The following CNTN1 variants were observed in gnomAD, a reference collection of about 807,000 sequenced individuals.
CNTN1 encodes the protein contactin-1.
In CNTN1, 38 loss-of-function variants were observed where a neutral mutation model predicts 126.4. That is an observed-to-expected ratio of 0.30 (90% CI 0.23 to 0.39). The LOEUF (loss-of-function observed/expected upper bound fraction) is 0.39. Ranked by LOEUF, CNTN1 falls within the 10% of genes least tolerant of loss-of-function variation. The probability of loss-of-function intolerance (pLI) is 1.00; values close to 1 mark genes in which losing one functional copy is unlikely to be tolerated. For missense variants in CNTN1, 1,009 were observed against 1,248.4 expected (o/e 0.81, Z 2.89); for synonymous variants, 413 against 422.6 (o/e 0.98, Z 0.28).
At chr12:41,067,359 G>A (rs972599332) in intron 23 of CNTN1, among the ~76,000 whole-genome samples, 1 of 152,086 alleles carries the variant, frequency 6.6e-6, no homozygotes, top group Non-Finnish European at 1.5e-5. Context: ...AGCAGCCACA[G>A]TTTGTACTTT....
In CNTN1 at chr12:40,924,757, T is replaced by C. The variant is rs1022713854; in HGVS notation, c.496+105T>C. The C allele has an allele frequency of 8.4e-5, 59 of 705,300 alleles. No individual in the cohort carries two copies. In the Middle Eastern group the frequency reaches 1.2e-3, roughly 15 times the overall value. 43.7% of individuals were successfully genotyped at this position (705,300 alleles called of 1,614,324 possible). On this transcript the variant is annotated intron_variant, in intron 6 of 23. Coordinates refer to ENST00000551295, the MANE Select transcript of CNTN1 (RefSeq NM_001843.4). ...ATTATTAATAATCATGGCTTATTAT[T>C]AATTAAATGAGACTGAATATTTGCA...
chr12:40,902,918 G>C (rs1944660065), intron 1 of CNTN1, among the ~76,000 whole-genome samples: 1 of 152,158 alleles, frequency 6.6e-6, no homozygotes, highest in Admixed American at 6.5e-5. Context: ...CCCTAGTGTT[G>C]TCTAAAGGAA....
intron 1 of CNTN1, among the ~76,000 whole-genome samples, chr12:40,819,320 AC>A (rs1941365747): frequency 2.0e-5 from 3 of 152,042 alleles, no homozygotes; most frequent in African/African-American, 7.2e-5. Context: ...GACTGCGGCC[AC>A]CCCTCTCACT....
intron 1 of CNTN1, among the ~76,000 whole-genome samples, chr12:40,793,490 A>G (rs1223692992): frequency 1.3e-5 from 2 of 151,564 alleles, no homozygotes; most frequent in African/African-American, 4.8e-5. Context: ...ATCAGGTTGT[A>G]TATGTAATGT....
At chr12:41,054,875 TG>T (rs1468883508) in intron 23 of CNTN1, among the ~76,000 whole-genome samples, 2 of 152,276 alleles carry the variant, frequency 1.3e-5, no homozygotes, top group East Asian at 3.8e-4. Flanking sequence ...TACACAGCTC[TG>T]CTGCATGGTC....
intron 1 of CNTN1, among the ~76,000 whole-genome samples, chr12:40,695,554 T>C (rs1335023552): frequency 6.6e-6 from 1 of 152,216 alleles, no homozygotes; most frequent in Admixed American, 6.5e-5. Flanking sequence ...AATTTCCATC[T>C]ATTTCTACAT....
chr12:40,721,949 C>G (rs1942228593), intron 1 of CNTN1, among the ~76,000 whole-genome samples: 2 of 150,764 alleles, frequency 1.3e-5, no homozygotes, highest in South Asian at 2.1e-4. Flanking sequence ...TCCAGTCTAT[C>G]ATTGTTGGAC....
chr12:40,878,245 C>A (rs1433317922), intron 1 of CNTN1, among the ~76,000 whole-genome samples: 1 of 151,560 alleles, frequency 6.6e-6, no homozygotes, highest in African/African-American at 2.4e-5. Context: ...GATCGCCGGC[C>A]TCAGCCTCCC....
At chr12:40,955,336 GA>G (rs1176369439) in intron 14 of CNTN1, among the ~76,000 whole-genome samples, 1 of 152,032 alleles carries the variant, frequency 6.6e-6, no homozygotes, top group Non-Finnish European at 1.5e-5. Context: ...ATAGGGGTGG[GA>G]AAAGTTAGAA....
chr12:40,710,898 A>T (rs1442358904), intron 1 of CNTN1, among the ~76,000 whole-genome samples: 3 of 152,174 alleles, frequency 2.0e-5, no homozygotes, highest in Non-Finnish European at 4.4e-5. Context: ...TCATAGTGTA[A>T]CTCACACATA....
rs147974040 is a variant in CNTN1, at chr12:40,715,338, A to G, written c.-77+22746A>G. Among the ~76,000 whole-genome samples the G allele has an allele frequency of 1.1e-3, 172 of 152,246 alleles. 1 individual carries two copies. Among genetic ancestry groups the G allele is most frequent in the African/African-American group, 4.0e-3 (167 of 41,538 alleles). On this transcript the variant is annotated intron_variant, in intron 1 of 23. Coordinates refer to ENST00000551295, the MANE Select transcript of CNTN1 (RefSeq NM_001843.4). Reference sequence around the variant, plus strand: ...ACTTCTCTGTTAACTGGTAACTCTTATCTCAGAAAATGATAATGATGCCAA... The same window carrying G: ...ACTTCTCTGTTAACTGGTAACTCTTGTCTCAGAAAATGATAATGATGCCAA...
intron 1 of CNTN1, among the ~76,000 whole-genome samples, chr12:40,823,175 T>G (rs1405175219): frequency 6.6e-6 from 1 of 152,194 alleles, no homozygotes; most frequent in Non-Finnish European, 1.5e-5. Context: ...CTATCTCTAC[T>G]TTTTAAAATT....
intron 1 of CNTN1, among the ~76,000 whole-genome samples, chr12:40,904,041 T>C (rs1041906858): frequency 1.3e-5 from 2 of 152,146 alleles, no homozygotes; most frequent in African/African-American, 2.4e-5. Flanking sequence ...CTTTTTGAGA[T>C]GGAGTCTCGC....
At position 40,819,764 on chromosome 12, in the gene CNTN1, G is replaced by A. The variant is rs530325144; in HGVS notation, c.-76-88593G>A. ...GCTGAGAGGCTGTAAGAATCTGCAC[G>A]TTCTGGGATTGGGACACTAGGCTCT... On this transcript the variant is annotated intron_variant, in intron 1 of 23. Transcript: ENST00000551295. Among the ~76,000 whole-genome samples the A allele has an allele frequency of 1.5e-3, 234 of 152,328 alleles. 1 individual carries two copies. The highest frequency in any genetic ancestry group is 6.8e-3 in the Middle Eastern group (2 of 294).
At chr12:41,006,757 C>A (rs1948502426) in intron 17 of CNTN1, among the ~76,000 whole-genome samples, 1 of 152,104 alleles carries the variant, frequency 6.6e-6, no homozygotes, top group South Asian at 2.1e-4. Flanking sequence ...GAAATGTTAA[C>A]AGATTTGAGG....
chr12:40,939,931 T>C (rs1340701353), intron 12 of CNTN1, among the ~76,000 whole-genome samples: 1 of 152,164 alleles, frequency 6.6e-6, no homozygotes, highest in Non-Finnish European at 1.5e-5. Context: ...GTGCAAATAA[T>C]CTCTTCCTAT....
intron 17 of CNTN1, among the ~76,000 whole-genome samples, chr12:41,010,120 G>A (rs1229112839): frequency 6.6e-6 from 1 of 152,048 alleles, no homozygotes; most frequent in African/African-American, 2.4e-5. Flanking sequence ...AAGAGAGAGA[G>A]AGACTGGCTC....
intron 1 of CNTN1, among the ~76,000 whole-genome samples, chr12:40,732,351 C>A (rs1194821500): frequency 6.6e-6 from 1 of 151,852 alleles, no homozygotes; most frequent in Non-Finnish European, 1.5e-5. Context: ...AGAGAACATT[C>A]CCGCATAAAA....
intron 1 of CNTN1, among the ~76,000 whole-genome samples, chr12:40,836,639 C>T (rs539498178): frequency 2.6e-5 from 4 of 152,144 alleles, no homozygotes; most frequent in East Asian, 1.9e-4. Context: ...ATAACTTCCT[C>T]AATGAAGAAA....
Sources: allele counts gnomAD v4.1 joint callset (sites outside exome capture counted in the v4.1 genomes callset), GRCh38; gene constraint gnomAD v4.1.1; transcripts MANE v1.5; gene names NCBI Gene and HGNC (gene_info 2026-07-23, HGNC 2026-07-21).